ROBO2: variants seen among roughly 807,000 people sequenced by gnomAD.
ROBO2 encodes roundabout guidance receptor 2.
In ROBO2, 53 loss-of-function variants were observed where a neutral mutation model predicts 160.8. The observed-to-expected ratio is 0.33, with a 90% CI of 0.26 to 0.41. The LOEUF (loss-of-function observed/expected upper bound fraction) is 0.41. ROBO2 is among the 10% of genes least tolerant of loss of function. The pLI is 1.00. For synonymous variants in ROBO2, 664 were observed against 611.7 expected (o/e 1.09, Z -1.26); for missense variants, 1,577 against 1,722.4 (o/e 0.92, Z 1.49).
intron 2 of ROBO2, among the ~76,000 whole-genome samples, chr3:76,698,337 T>C (rs917758887): frequency 1.3e-5 from 2 of 152,166 alleles, no homozygotes; most frequent in Admixed American, 1.3e-4. Flanking sequence ...TGTGGCTCTG[T>C]TCAGAGAAAT....
intron 2 of ROBO2, among the ~76,000 whole-genome samples, chr3:76,610,225 T>G (rs1460621766): frequency 6.6e-6 from 1 of 152,184 alleles, no homozygotes; most frequent in Non-Finnish European, 1.5e-5. Context: ...ACTGGTAATG[T>G]TACAGGATTC....
intron 2 of ROBO2, among the ~76,000 whole-genome samples, chr3:76,733,651 A>G (rs935989941): frequency 3.3e-5 from 5 of 152,248 alleles, no homozygotes; most frequent in African/African-American, 1.2e-4. Flanking sequence ...GCTAACAGGT[A>G]ATTCCTGTTA....
At chr3:76,833,197 G>A (rs2067234785) in intron 2 of ROBO2, among the ~76,000 whole-genome samples, 1 of 152,100 alleles carries the variant, frequency 6.6e-6, no homozygotes, top group South Asian at 2.1e-4. Flanking sequence ...AGAAAACAAA[G>A]GAGAGGGTTT....
chr3:77,245,163 A>G (rs1214217985), intron 2 of ROBO2, among the ~76,000 whole-genome samples: 1 of 152,186 alleles, frequency 6.6e-6, no homozygotes, highest in Non-Finnish European at 1.5e-5. Flanking sequence ...GGAATTTAAT[A>G]AGGCGCCTGT....
chr3:75,924,444 G>C (rs1947197427), intron 1 of ROBO2, among the ~76,000 whole-genome samples: 1 of 151,956 alleles, frequency 6.6e-6, no homozygotes, highest in African/African-American at 2.4e-5. Flanking sequence ...TTCTCCCCTG[G>C]AATCTCCTGA....
chr3:76,955,365 G>C (rs199745643), intron 2 of ROBO2, among the ~76,000 whole-genome samples: 2 of 151,924 alleles, frequency 1.3e-5, no homozygotes, highest in African/African-American at 2.4e-5. Context: ...AGTTCTTTTG[G>C]GTATATATCT....
At chr3:77,407,037 G>C (rs544138593) in intron 2 of ROBO2, among the ~76,000 whole-genome samples, 1 of 152,056 alleles carries the variant, frequency 6.6e-6, no homozygotes, top group South Asian at 2.1e-4. Flanking sequence ...TGTTTCCCAG[G>C]CTGGTCTTAA....
intron 2 of ROBO2, among the ~76,000 whole-genome samples, chr3:76,655,673 GAA>G (rs929023882): frequency 2.1e-5 from 3 of 142,606 alleles, no homozygotes; most frequent in South Asian, 2.4e-4. Context: ...AAAAAAGAAA[GAA>G]AGAGAGGGGC....
intron 2 of ROBO2, among the ~76,000 whole-genome samples, chr3:77,184,411 TA>T (rs1183212460): frequency 6.6e-6 from 1 of 151,962 alleles, no homozygotes; most frequent in Non-Finnish European, 1.5e-5. Context: ...AAGGGAATAT[TA>T]TATGCAAAAA....
intron 2 of ROBO2, among the ~76,000 whole-genome samples, chr3:76,350,724 A>T (rs2074820560): frequency 6.6e-6 from 1 of 152,032 alleles, no homozygotes; most frequent in Admixed American, 6.6e-5. Flanking sequence ...AAAAATTTTT[A>T]AAAGACTTAC....
chr3:76,768,253 C>T (rs2061681582), intron 2 of ROBO2, among the ~76,000 whole-genome samples: 1 of 151,294 alleles, frequency 6.6e-6, no homozygotes, highest in Admixed American at 6.6e-5. Context: ...TTACACAGTG[C>T]ACACTTCTTT....
intron 2 of ROBO2, among the ~76,000 whole-genome samples, chr3:76,306,989 C>G (rs945462387): frequency 6.6e-6 from 1 of 151,976 alleles, no homozygotes; most frequent in Admixed American, 6.6e-5. Flanking sequence ...TAATTTAAAC[C>G]CTTTGTTGAC....
chr3:76,795,786 T>C (rs1302586992), intron 2 of ROBO2, among the ~76,000 whole-genome samples: 1 of 152,140 alleles, frequency 6.6e-6, no homozygotes, highest in Non-Finnish European at 1.5e-5. Flanking sequence ...GGTGAATCCT[T>C]TTCAGAAGGT....
rs535895154 is a variant in ROBO2 at position 77,289,355 on chromosome 3, C to T, written c.389-188059C>T. ...ACATAAAGTAAAATTGACGGTTAAA[C>T]GGGTAAGCTGAGACTAGATCACCCC... is the stretch of plus-strand genomic sequence containing the variant. On this transcript the variant is annotated intron_variant, in intron 2 of 25. Transcript: ENST00000461745. 7.1e-4 allele frequency among the ~76,000 whole-genome samples: 108 copies of T among 151,152 alleles called. 2 individuals are homozygous for T. The highest frequency in any genetic ancestry group is 1.3e-3 in the South Asian group (6 of 4,744).
rs193035040 is a variant in ROBO2, at chr3:77,104,041, A to T, written c.388+5701A>T. 1.4e-3 allele frequency among the ~76,000 whole-genome samples: 212 copies of T among 152,126 alleles called. 1 individual carries two copies. In the East Asian group the frequency reaches 0.017, roughly 12 times the overall value. On this transcript the variant is annotated intron_variant, in intron 2 of 25. Coordinates refer to ENST00000461745, the Ensembl canonical transcript of ROBO2. ...AAGATCAATCCATAGAGAGCTTTTT[A>T]AAAAAAATGCTTAATTGAGATATAT...
chr3:77,098,246 G>A (rs1197176388), exon 2 of ROBO2: 7 of 1,614,066 alleles, frequency 4.3e-6, no homozygotes, highest in Middle Eastern at 1.6e-4. Flanking sequence ...TCGTGCACGG[G>A]CGCAGGAGTA....
intron 2 of ROBO2, among the ~76,000 whole-genome samples, chr3:77,469,074 T>C (rs115979886): frequency 1.6e-3 from 238 of 152,326 alleles, no homozygotes; most frequent in African/African-American, 5.5e-3. Flanking sequence ...ATAAAGTAGT[T>C]TCTTGTGAAT....
chr3:77,240,509 G>A (rs944390290), intron 2 of ROBO2, among the ~76,000 whole-genome samples: 5 of 152,072 alleles, frequency 3.3e-5, no homozygotes, highest in African/African-American at 4.8e-5. Context: ...CTCCAGCCTC[G>A]GCCAGCCCAG....
At chr3:76,646,933 C>G (rs2109808513) in intron 2 of ROBO2, among the ~76,000 whole-genome samples, 1 of 152,264 alleles carries the variant, frequency 6.6e-6, no homozygotes, top group South Asian at 2.1e-4. Flanking sequence ...CATCACCACC[C>G]CTATGGCTGG....
Sources: gnomAD v4.1 joint callset for allele counts (sites outside exome capture counted in the v4.1 genomes callset) on GRCh38, gnomAD v4.1.1 for gene constraint, MANE v1.5 for transcripts, NCBI Gene and HGNC (gene_info 2026-07-23, HGNC 2026-07-21) for gene names.